Variants in FBXW7 observed in about 807,000 individuals in gnomAD.
The protein encoded by FBXW7 is F-box/WD repeat-containing protein 7.
Under a neutral mutation model 86.3 loss-of-function variants are expected in FBXW7, and 11 were observed. That is an observed-to-expected ratio of 0.13 (90% CI 0.08 to 0.21). FBXW7 has a LOEUF of 0.21. Among genes scored for constraint, FBXW7 ranks in the 10% least tolerant of loss-of-function variants. The pLI is 1.00. For synonymous variants in FBXW7, 313 were observed against 297.9 expected (o/e 1.05, Z -0.52); for missense variants, 488 against 847.4 (o/e 0.58, Z 5.27).
At chr4:152,446,982 T>C (rs1395819917) in intron 2 of FBXW7, among the ~76,000 whole-genome samples, 1 of 152,214 alleles carries the variant, frequency 6.6e-6, no homozygotes, top group Non-Finnish European at 1.5e-5. Context: ...TGTTGAATAA[T>C]AAAAGATTAC....
At chr4:152,473,973 TC>T (rs1026072698) in intron 2 of FBXW7, among the ~76,000 whole-genome samples, 1 of 151,892 alleles carries the variant, frequency 6.6e-6, no homozygotes, top group African/African-American at 2.4e-5. Context: ...AAGGGAAACC[TC>T]CCCAGGGGTC....
chr4:152,493,411 C>T (rs769228275), intron 2 of FBXW7, among the ~76,000 whole-genome samples: 5 of 152,040 alleles, frequency 3.3e-5, no homozygotes, highest in African/African-American at 9.7e-5. Context: ...GTGATCCACC[C>T]GCCTCGGCCT....
At chr4:152,405,085 G>C (rs1329776798) in intron 4 of FBXW7, among the ~76,000 whole-genome samples, 5 of 71,714 alleles carry the variant, frequency 7.0e-5, no homozygotes, top group Non-Finnish European at 1.3e-4. Context: ...AACAAAGCAA[G>C]ACCTTGTCTT....
intron 2 of FBXW7, among the ~76,000 whole-genome samples, chr4:152,534,466 C>G (rs1026668310): frequency 2.0e-5 from 3 of 152,092 alleles, no homozygotes; most frequent in African/African-American, 7.2e-5. Flanking sequence ...CTGAAATGAA[C>G]CTCTCTCAAA....
At chr4:152,403,670 G>A (rs1737147614) in intron 4 of FBXW7, among the ~76,000 whole-genome samples, 1 of 152,010 alleles carries the variant, frequency 6.6e-6, no homozygotes, top group Non-Finnish European at 1.5e-5. Flanking sequence ...TCTCTCGCAA[G>A]CACAGTTCAC....
chr4:152,478,644 T>C (rs1040145413), intron 2 of FBXW7, among the ~76,000 whole-genome samples: 3 of 152,134 alleles, frequency 2.0e-5, no homozygotes, highest in African/African-American at 7.2e-5. Context: ...ACTGGTAAAC[T>C]GTCTTTCATA....
chr4:152,370,806 T>C (rs1579018752), intron 4 of FBXW7, among the ~76,000 whole-genome samples: 1 of 151,358 alleles, frequency 6.6e-6, no homozygotes, highest in East Asian at 1.9e-4. Context: ...AAAACAGAAT[T>C]ACAAAAACAG....
At chr4:152,504,734 C>T (rs6535852) in intron 2 of FBXW7, among the ~76,000 whole-genome samples, 70,812 of 151,956 alleles carry the variant, frequency 0.47, 19,368 homozygotes, top group African/African-American at 0.76. Flanking sequence ...CAATTACTTC[C>T]GGTAAAAAGT....
intron 2 of FBXW7, among the ~76,000 whole-genome samples, chr4:152,465,417 TTA>T (rs1413764467): frequency 1.3e-5 from 2 of 152,228 alleles, no homozygotes; most frequent in Non-Finnish European, 2.9e-5. Flanking sequence ...TAGCTCTCAA[TTA>T]TGTCTTTTCC....
At chr4:152,401,499 G>A (rs1290807623) in intron 4 of FBXW7, among the ~76,000 whole-genome samples, 1 of 152,180 alleles carries the variant, frequency 6.6e-6, no homozygotes, top group African/African-American at 2.4e-5. Flanking sequence ...AAACTATGGA[G>A]ACGGTGAAAG....
intron 4 of FBXW7, among the ~76,000 whole-genome samples, chr4:152,398,670 T>C (rs2126832815): frequency 6.6e-6 from 1 of 152,184 alleles, no homozygotes; most frequent in Admixed American, 6.5e-5. Flanking sequence ...CTAACCATAT[T>C]TTCTTTTCTC....
Position 152,322,297 on chromosome 4 carries a change from T to A in FBXW7, c.*584A>T, listed in dbSNP as rs1384201327. On this transcript the variant is annotated 3_prime_UTR_variant, in exon 14 of 14. Coordinates refer to ENST00000281708, the MANE Select transcript of FBXW7 (RefSeq NM_001349798.2). ...AATAGATTAACAGAGGCTAATACTGTGATTGATTGACATTGGCAATGGTTG... is the reference window on the plus strand; with the variant it reads ...AATAGATTAACAGAGGCTAATACTGAGATTGATTGACATTGGCAATGGTTG... 1.3e-5 allele frequency: 3 copies of A among 228,224 alleles called. No individual in the cohort carries two copies. The highest frequency in any genetic ancestry group is 2.5e-5 in the Non-Finnish European group (3 of 117,886). The allele number at this position is 228,224 out of a possible 1,614,324, so 14.1% of individuals were successfully genotyped here. A position where few individuals can be genotyped will look rare whatever the true frequency, so the allele number is the denominator to read the frequency against.
At chr4:152,378,455 T>C (rs1189739328) in intron 4 of FBXW7, among the ~76,000 whole-genome samples, 1 of 152,194 alleles carries the variant, frequency 6.6e-6, no homozygotes, top group Non-Finnish European at 1.5e-5. Context: ...GTGTTGCTGA[T>C]GCCTATGCTA....
chr4:152,335,051 G>A (rs1447712899), intron 7 of FBXW7, among the ~76,000 whole-genome samples: 1 of 152,180 alleles, frequency 6.6e-6, no homozygotes, highest in African/African-American at 2.4e-5. Flanking sequence ...ATAGCAATTA[G>A]TTGCATGATT....
chr4:152,325,871 T>C (rs148320386), intron 12 of FBXW7, 135 bp downstream of exon 12: 36 of 596,410 alleles, frequency 6.0e-5, no homozygotes, highest in Non-Finnish European at 8.8e-5. Context: ...AATTTTAACG[T>C]ATATAAAAAC....
intron 2 of FBXW7, among the ~76,000 whole-genome samples, chr4:152,471,735 C>T (rs950004458): frequency 6.6e-6 from 1 of 151,462 alleles, no homozygotes; most frequent in Non-Finnish European, 1.5e-5. Flanking sequence ...TCTGTCTCTA[C>T]AAAAAAATTT....
intron 7 of FBXW7, 96 bp downstream of exon 7, chr4:152,337,706 G>A (rs1013828637): frequency 1.8e-5 from 23 of 1,291,686 alleles, no homozygotes; most frequent in Middle Eastern, 2.2e-4. Context: ...TGACAATACC[G>A]AATACCATAA....
chr4:152,523,930 C>G (rs1219349580), intron 2 of FBXW7, among the ~76,000 whole-genome samples: 1 of 152,202 alleles, frequency 6.6e-6, no homozygotes, highest in Non-Finnish European at 1.5e-5. Flanking sequence ...TAAATCTGAA[C>G]TGAATCTGCT....
chr4:152,367,842 C>T (rs1258524373), intron 4 of FBXW7, among the ~76,000 whole-genome samples: 4 of 151,900 alleles, frequency 2.6e-5, no homozygotes, highest in South Asian at 4.2e-4. Flanking sequence ...TTTAAGACTA[C>T]GACAACACAA....
Sources: allele counts gnomAD v4.1 joint callset (sites outside exome capture counted in the v4.1 genomes callset), GRCh38; gene constraint gnomAD v4.1.1; transcripts MANE v1.5; gene names NCBI Gene and HGNC (gene_info 2026-07-23, HGNC 2026-07-21).